Variants in ILRUN observed in about 807,000 individuals in gnomAD.
The protein encoded by ILRUN is inflammation and lipid regulator with UBA-like and NBR1-like domains.
Under a neutral mutation model 33.8 loss-of-function variants are expected in ILRUN, and 3 were observed. That is an observed-to-expected ratio of 0.09 (90% CI 0.04 to 0.23). The LOEUF (loss-of-function observed/expected upper bound fraction) is 0.23. Ranked by LOEUF, ILRUN falls within the 10% of genes least tolerant of loss-of-function variation. The pLI is 1.00. For missense variants in ILRUN, 210 were observed against 375.1 expected, an observed-to-expected ratio of 0.56 and a Z score of 3.64; for synonymous variants, 124 against 138.9, an observed-to-expected ratio of 0.89 and a Z score of 0.75.
chr6:34,611,212 A>G (rs1761745792), intron 3 of ILRUN, among the ~76,000 whole-genome samples: 1 of 150,518 alleles, frequency 6.6e-6, no homozygotes, highest in Admixed American at 6.6e-5. Context: ...CTCTCCAAGT[A>G]TTGGGATTAC....
At chr6:34,621,843 C>G (rs1251006621) in intron 3 of ILRUN, among the ~76,000 whole-genome samples, 2 of 143,010 alleles carry the variant, frequency 1.4e-5, no homozygotes, top group Non-Finnish European at 3.0e-5. Context: ...AGCCTGATGA[C>G]AGAGCAAGAC....
chr6:34,624,014 TAG>T (rs1762063754), intron 3 of ILRUN, among the ~76,000 whole-genome samples: 1 of 152,090 alleles, frequency 6.6e-6, no homozygotes, highest in Non-Finnish European at 1.5e-5. Context: ...GTATTTTTAG[TAG>T]AGACAGGGTT....
chr6:34,670,095 T>G (rs536944922), intron 1 of ILRUN, among the ~76,000 whole-genome samples: 1 of 152,150 alleles, frequency 6.6e-6, no homozygotes, highest in South Asian at 2.1e-4. Flanking sequence ...GTATTTTTAG[T>G]AGAGACAGGG....
chr6:34,619,117 A>G (rs1265069566), intron 3 of ILRUN, among the ~76,000 whole-genome samples: 2 of 152,192 alleles, frequency 1.3e-5, no homozygotes, highest in Non-Finnish European at 2.9e-5. Context: ...AATTTGTGAG[A>G]GTAAGAGATC....
At chr6:34,604,923 T>C (rs1761593047) in intron 4 of ILRUN, among the ~76,000 whole-genome samples, 1 of 152,208 alleles carries the variant, frequency 6.6e-6, no homozygotes, top group South Asian at 2.1e-4. Flanking sequence ...ATGCTATTAC[T>C]ACTGAATGAA....
chr6:34,607,224 A>G (rs992117702), intron 3 of ILRUN, among the ~76,000 whole-genome samples: 1 of 151,970 alleles, frequency 6.6e-6, no homozygotes, highest in Non-Finnish European at 1.5e-5. Context: ...GAGAACGATC[A>G]ATAGATAGAA....
At chr6:34,618,228 TAAAGAC>T (rs1282317385) in intron 3 of ILRUN, among the ~76,000 whole-genome samples, 1 of 152,152 alleles carries the variant, frequency 6.6e-6, no homozygotes, top group Non-Finnish European at 1.5e-5. Context: ...CAGACACAGA[TAAAGAC>T]AAGTACAAAG....
intron 3 of ILRUN, among the ~76,000 whole-genome samples, chr6:34,614,433 A>AT (rs57947473): frequency 0.13 from 13,535 of 104,364 alleles, 959 homozygotes; most frequent in East Asian, 0.31. Context: ...AAAAATAATA[A>AT]AAAAAAAAAA....
intron 2 of ILRUN, among the ~76,000 whole-genome samples, chr6:34,647,401 G>A (rs974026121): frequency 6.6e-6 from 1 of 152,080 alleles, no homozygotes; most frequent in Non-Finnish European, 1.5e-5. Context: ...GACCTTGGGT[G>A]GTAGTGAAAA....
chr6:34,653,234 T>C (rs1762706452), intron 2 of ILRUN, among the ~76,000 whole-genome samples: 1 of 151,220 alleles, frequency 6.6e-6, no homozygotes, highest in African/African-American at 2.5e-5. Flanking sequence ...TTATTTTTAT[T>C]TTTAATTTTT....
At chr6:34,628,459 G>A (rs967632864) in intron 3 of ILRUN, among the ~76,000 whole-genome samples, 2 of 152,068 alleles carry the variant, frequency 1.3e-5, no homozygotes, top group African/African-American at 4.8e-5. Flanking sequence ...GAGTAGCTGG[G>A]ACTACTCCAG....
In ILRUN at chr6:34,606,584, T is replaced by C. The variant is rs1761636297; in HGVS notation, c.832A>G (p.Asn278Asp). ...CTGTAAGTCACTACTGATAAGTTGT[T>C]TGCGTGACTGCTGGGAGACAGATTT... ...SVNLSPSSHA[N>D]NLSVVTYSKG... is the part of the protein sequence containing the mutation. Residue 278 changes from asparagine to aspartate, a missense_variant, in exon 4 of 5, where the codon AAC becomes GAC. Around this residue, in one of 4 missense-constraint regions of ILRUN, gnomAD observed 81 missense variants for 97.0 expected, o/e 0.84. Transcript: ENST00000374023. 1.2e-6 allele frequency: 2 copies of C among 1,614,066 alleles called. No individual in the cohort carries two copies. The highest frequency in any genetic ancestry group is 1.3e-5 in the African/African-American group (1 of 75,038).
chr6:34,603,410 G>A (rs373492335), intron 4 of ILRUN, among the ~76,000 whole-genome samples: 30 of 152,228 alleles, frequency 2.0e-4, no homozygotes, highest in African/African-American at 5.8e-4. Context: ...CGAGGCGGGC[G>A]GATCACGGGG....
chr6:34,655,962 C>G (rs1033781100), intron 1 of ILRUN, among the ~76,000 whole-genome samples: 1 of 152,056 alleles, frequency 6.6e-6, no homozygotes, highest in Non-Finnish European at 1.5e-5. Context: ...AGGCTGGGCT[C>G]AGTGGCTCAC....
intron 3 of ILRUN, among the ~76,000 whole-genome samples, chr6:34,629,337 C>A (rs1159996421): frequency 6.6e-6 from 1 of 152,178 alleles, no homozygotes; most frequent in Non-Finnish European, 1.5e-5. Context: ...TTTGTGGGCA[C>A]AGAGTTGCTT....
At chr6:34,649,051 G>A (rs991709829) in intron 2 of ILRUN, among the ~76,000 whole-genome samples, 5 of 152,126 alleles carry the variant, frequency 3.3e-5, no homozygotes, top group African/African-American at 4.8e-5. Flanking sequence ...CTGGCATTTG[G>A]CTAGGGTCCT....
At chr6:34,692,501 G>T (rs1763667441) in intron 1 of ILRUN, among the ~76,000 whole-genome samples, 1 of 152,140 alleles carries the variant, frequency 6.6e-6, no homozygotes, top group Non-Finnish European at 1.5e-5. Flanking sequence ...GAAATTAAAT[G>T]ATGCGTAGAA....
At chr6:34,642,400 A>T (rs755604298) in intron 3 of ILRUN, among the ~76,000 whole-genome samples, 1 of 152,226 alleles carries the variant, frequency 6.6e-6, no homozygotes. Flanking sequence ...ATGGGTACCA[A>T]AACTGTTAAA....
At chr6:34,617,922 C>T (rs575683640) in intron 3 of ILRUN, among the ~76,000 whole-genome samples, 28 of 152,294 alleles carry the variant, frequency 1.8e-4, no homozygotes, top group African/African-American at 6.7e-4. Context: ...AAGAAAGGCA[C>T]TGATAGGAGA....
Sources: gnomAD v4.1 joint callset for allele counts (sites outside exome capture counted in the v4.1 genomes callset) on GRCh38, gnomAD v4.1.1 for gene constraint, gnomAD v4.1.1 regional missense constraint, MANE v1.5 for transcripts, NCBI Gene and HGNC (gene_info 2026-07-23, HGNC 2026-07-21) for gene names.